ZZZ3: variants seen among roughly 807,000 people sequenced by gnomAD.
ZZZ3 encodes zinc finger ZZ-type containing 3.
A neutral mutation model predicts 95.2 loss-of-function variants in ZZZ3; 22 were observed. The observed-to-expected ratio is 0.23, with a 90% CI of 0.17 to 0.33. ZZZ3 has a LOEUF of 0.33. ZZZ3 is among the 10% of genes least tolerant of loss of function. The pLI, the probability that ZZZ3 is intolerant of heterozygous loss-of-function variation, is 1.00. For missense variants in ZZZ3, 885 were observed against 1,066.5 expected (o/e 0.83, Z 2.37); for synonymous variants, 335 against 358.9 (o/e 0.93, Z 0.75).
At chr1:77,679,509 T>C (rs1443846897) in intron 1 of ZZZ3, among the ~76,000 whole-genome samples, 1 of 152,070 alleles carries the variant, frequency 6.6e-6, no homozygotes, top group African/African-American at 2.4e-5. Flanking sequence ...GACTATGTTG[T>C]TGCTGGTCTC....
chr1:77,584,753 C>G, intron 5 of ZZZ3, 98 bp from the exon 6 acceptor site: 1 of 928,874 alleles, frequency 1.1e-6, no homozygotes, highest in Non-Finnish European at 1.5e-6. Flanking sequence ...GTCACACAGT[C>G]TTTTAAGAGT....
At position 77,633,198 on chromosome 1, in the gene ZZZ3, T is replaced by G. The variant is rs1326115911; in HGVS notation, c.157A>C (p.Arg53=). Residue 53 remains arginine (R), a synonymous_variant, in exon 5 of 15, where the codon AGA becomes CGA. Coordinates refer to ENST00000370801, the MANE Select transcript of ZZZ3 (RefSeq NM_015534.6). The part of the protein sequence containing the change: ...SQVRSRSPKK[R]PEPVPIQKGN... ...TTCTGAATTGGCACAGGCTCTGGTC[T>G]CTTCTTTGGTGATCTTGATCGTACT... 1.2e-6 allele frequency: 2 copies of G among 1,614,186 alleles called. No individual in the cohort carries two copies. Among genetic ancestry groups the G allele is most frequent in the Non-Finnish European group, 1.7e-6 (2 of 1,180,018 alleles).
At chr1:77,662,423 C>A (rs1286671111) in intron 1 of ZZZ3, among the ~76,000 whole-genome samples, 2 of 152,058 alleles carry the variant, frequency 1.3e-5, no homozygotes, top group Non-Finnish European at 2.9e-5. Flanking sequence ...GGATTACAGG[C>A]ATAAACCAAT....
intron 1 of ZZZ3, among the ~76,000 whole-genome samples, chr1:77,659,503 A>G (rs1670591008): frequency 6.6e-6 from 1 of 151,982 alleles, no homozygotes; most frequent in Admixed American, 6.6e-5. Context: ...CCTGGCCAAC[A>G]TGGTAAAACC....
At chr1:77,637,173 T>G (rs1668379622) in intron 4 of ZZZ3, among the ~76,000 whole-genome samples, 1 of 152,180 alleles carries the variant, frequency 6.6e-6, no homozygotes, top group Admixed American at 6.6e-5. Flanking sequence ...AAGATAATAG[T>G]CATCAAGTTT....
chr1:77,661,646 G>C (rs1463249820), intron 1 of ZZZ3, among the ~76,000 whole-genome samples: 1 of 151,996 alleles, frequency 6.6e-6, no homozygotes, highest in Non-Finnish European at 1.5e-5. Context: ...TCTCTTCCAT[G>C]AAAGAAAAAG....
chr1:77,658,891 CT>C (rs1670532806), intron 1 of ZZZ3, among the ~76,000 whole-genome samples: 1 of 152,146 alleles, frequency 6.6e-6, no homozygotes, highest in South Asian at 2.1e-4. Context: ...TGTCAGGTGG[CT>C]TTTAAGATAA....
In ZZZ3 at chr1:77,565,674, T is replaced by C; in HGVS notation, c.2678A>G (p.Tyr893Cys). The C allele has an allele frequency of 6.2e-7, 1 of 1,614,012 alleles. No homozygotes were observed. Among genetic ancestry groups the C allele is most frequent in the Non-Finnish European group, 8.5e-7 (1 of 1,179,902 alleles). ...YCVSQGTSYN[Y>C]LDPNYFPANR ...TGCTGGAAAGTAGTTTGGGTCAAGGTAATTGTAACTGGTGCCCTGAGACAC... is the reference window on the plus strand; with the variant it reads ...TGCTGGAAAGTAGTTTGGGTCAAGGCAATTGTAACTGGTGCCCTGAGACAC... The change falls in exon 15 of 15, where the codon TAC (tyrosine) becomes TGC (cysteine). Residue 893 changes from tyrosine to cysteine, a missense_variant. Transcript: ENST00000370801.
chr1:77,664,414 A>G (rs541898765), intron 1 of ZZZ3, among the ~76,000 whole-genome samples: 26 of 152,324 alleles, frequency 1.7e-4, no homozygotes, highest in Admixed American at 1.7e-3. Context: ...TAATAATCCT[A>G]TCATAAAATT....
intron 1 of ZZZ3, among the ~76,000 whole-genome samples, chr1:77,651,995 G>A (rs771341656): frequency 7.1e-6 from 1 of 141,346 alleles, no homozygotes; most frequent in African/African-American, 2.6e-5. Context: ...CAGTCTGGGC[G>A]ACAAGAGCAA....
intron 5 of ZZZ3, among the ~76,000 whole-genome samples, chr1:77,625,705 T>A (rs1296178320): frequency 6.6e-6 from 1 of 151,686 alleles, no homozygotes; most frequent in African/African-American, 2.4e-5. Context: ...AAAGAAAAGG[T>A]TAAGCCAGGC....
At chr1:77,665,527 A>G (rs993095009) in intron 1 of ZZZ3, among the ~76,000 whole-genome samples, 2 of 152,238 alleles carry the variant, frequency 1.3e-5, no homozygotes, top group Non-Finnish European at 2.9e-5. Context: ...AATATTTTTA[A>G]GTTCCTATAG....
intron 12 of ZZZ3, among the ~76,000 whole-genome samples, chr1:77,575,766 C>G (rs1194071923): frequency 6.6e-6 from 1 of 152,018 alleles, no homozygotes; most frequent in Non-Finnish European, 1.5e-5. Context: ...CTTTTATAAA[C>G]ATGATAATTA....
At chr1:77,661,512 G>A (rs1490229132) in intron 1 of ZZZ3, among the ~76,000 whole-genome samples, 1 of 152,156 alleles carries the variant, frequency 6.6e-6, no homozygotes, top group African/African-American at 2.4e-5. Flanking sequence ...ATTTAGCCTA[G>A]AAAACATACC....
chr1:77,639,390 AAAAAG>A lies in ZZZ3; in HGVS notation c.-52+54_-52+58del. On this transcript the variant is annotated intron_variant, in intron 4 of 14. Coordinates refer to ENST00000370801, the MANE Select transcript of ZZZ3 (RefSeq NM_015534.6). Reference sequence around the variant, plus strand: ...AACAAGTCTCCCCATCTCAAAAAAAAAAAAGAAGAAGAAGTCAAACTATAGCTGTC... The same window carrying A: ...AACAAGTCTCCCCATCTCAAAAAAAAAAGAAGAAGTCAAACTATAGCTGTC... The A allele has an allele frequency of 5.0e-6, 7 of 1,410,498 alleles. No individual in the cohort carries two copies. The South Asian group carries it at 1.1e-4, about 21-fold the overall frequency. 87.4% of individuals were successfully genotyped at this position (1,410,498 alleles called of 1,614,324 possible). A position where few individuals can be genotyped will look rare whatever the true frequency, so the allele number is the denominator to read the frequency against.
At chr1:77,664,773 T>A (rs567913759) in intron 1 of ZZZ3, among the ~76,000 whole-genome samples, 2 of 152,344 alleles carry the variant, frequency 1.3e-5, no homozygotes, top group South Asian at 4.1e-4. Flanking sequence ...TTTTAGATAC[T>A]TCTCTCAAAG....
At chr1:77,624,876 A>G (rs1350738267) in intron 5 of ZZZ3, among the ~76,000 whole-genome samples, 1 of 152,172 alleles carries the variant, frequency 6.6e-6, no homozygotes, top group African/African-American at 2.4e-5. Flanking sequence ...TGGGGTCTGC[A>G]CTAACTCCAG....
intron 5 of ZZZ3, among the ~76,000 whole-genome samples, chr1:77,610,589 C>T (rs1018627665): frequency 6.6e-6 from 1 of 151,210 alleles, no homozygotes; most frequent in African/African-American, 2.4e-5. Context: ...CAAAATTCAA[C>T]AATACATTAA....
Position 77,605,134 on chromosome 1 carries a change from G to T in ZZZ3, c.1506-20479C>A, listed in dbSNP as rs916676694. ...ACTTCATGTTGCTGAAAGAGGCACT[G>T]AAGAGGGTAGGAAAGACAGTCTTGA... is the stretch of plus-strand genomic sequence containing the variant. On this transcript the variant is annotated intron_variant, in intron 5 of 14. Transcript: ENST00000370801. 1.4e-4 allele frequency among the ~76,000 whole-genome samples: 21 copies of T among 152,194 alleles called. No homozygotes were observed. The East Asian group carries it at 3.3e-3, about 24-fold the overall frequency.
Sources: gnomAD v4.1 joint callset for allele counts (sites outside exome capture counted in the v4.1 genomes callset) on GRCh38, gnomAD v4.1.1 for gene constraint, MANE v1.5 for transcripts, NCBI Gene and HGNC (gene_info 2026-07-23, HGNC 2026-07-21) for gene names.